TIAM2: variants seen among roughly 807,000 people sequenced by gnomAD.
TIAM2 encodes the protein TIAM Rac1 associated GEF 2, also known as rho guanine nucleotide exchange factor TIAM2.
TIAM2 carries 80 observed loss-of-function variants against 152.9 expected under a neutral mutation model. The observed-to-expected ratio is 0.52, with a 90% CI of 0.44 to 0.63. The LOEUF (loss-of-function observed/expected upper bound fraction) is 0.63. TIAM2 is among the 30% of genes least tolerant of loss of function. The pLI, the probability that TIAM2 is intolerant of heterozygous loss-of-function variation, is 0.00. For missense variants in TIAM2, 1,965 were observed against 2,120.1 expected, an observed-to-expected ratio of 0.93 and a Z score of 1.44; for synonymous variants, 804 against 838.0, an observed-to-expected ratio of 0.96 and a Z score of 0.70.
In TIAM2 at chr6:155,114,036, A is replaced by ATATATATTTTTT; in HGVS notation, c.-117-13453_-117-13452insATATATTTTTTT. ...ACTTTATATATATATATATATATAT[A>ATATATATTTTTT]TTTTTTTTTTTTTCTTTTTTTTTTT... On this transcript the variant is annotated intron_variant, in intron 2 of 26. Coordinates refer to ENST00000682666, the MANE Select transcript of TIAM2 (RefSeq NM_012454.4). Among the ~76,000 whole-genome samples the ATATATATTTTTT allele has an allele frequency of 9.2e-4, 32 of 34,896 alleles. 1 individual carries two copies. Among genetic ancestry groups the ATATATATTTTTT allele is most frequent in the East Asian group, 1.4e-3 (2 of 1,412 alleles). The allele number at this position is 34,896 out of a possible 152,430, so 22.9% of individuals were successfully genotyped here.
At chr6:155,161,677 C>A (rs1225892219) in intron 7 of TIAM2, among the ~76,000 whole-genome samples, 1 of 151,582 alleles carries the variant, frequency 6.6e-6, no homozygotes, top group Admixed American at 6.6e-5. Context: ...AAGCAATTCT[C>A]CTGCCTCAGC....
intron 14 of TIAM2, among the ~76,000 whole-genome samples, chr6:155,206,903 G>T (rs568583579): frequency 2.0e-5 from 3 of 152,286 alleles, no homozygotes; most frequent in East Asian, 3.9e-4. Context: ...AGTCATATTG[G>T]CCAGAGGCTT....
At chr6:155,013,897 T>C (rs1778529592) in intron 1 of TIAM2, 1 of 144,384 alleles carries the variant, frequency 6.9e-6, no homozygotes, top group South Asian at 2.3e-4. Flanking sequence ...GTTAGGCAGA[T>C]ATATGTCTAT....
chr6:155,076,951 C>T (rs1259309814), intron 1 of TIAM2, among the ~76,000 whole-genome samples: 1 of 152,202 alleles, frequency 6.6e-6, no homozygotes, highest in Admixed American at 6.5e-5. Context: ...CCTCCTCGGC[C>T]TCCCAAAGTG....
chr6:155,095,417 G>T (rs1028463146), intron 2 of TIAM2, among the ~76,000 whole-genome samples: 2 of 152,194 alleles, frequency 1.3e-5, no homozygotes, highest in African/African-American at 2.4e-5. Flanking sequence ...TCAGTTTTTT[G>T]TAGGGTGGTT....
intron 15 of TIAM2, among the ~76,000 whole-genome samples, chr6:155,236,045 T>C (rs1782739071): frequency 6.6e-6 from 1 of 152,138 alleles, no homozygotes; most frequent in African/African-American, 2.4e-5. Context: ...TGCAGAATTA[T>C]ATTGTCTGAG....
At chr6:155,166,516 G>T (rs931191430) in intron 9 of TIAM2, among the ~76,000 whole-genome samples, 1 of 152,128 alleles carries the variant, frequency 6.6e-6, no homozygotes, top group East Asian at 1.9e-4. Flanking sequence ...TAGAGACAGG[G>T]TTTCACCTGT....
intron 1 of TIAM2, among the ~76,000 whole-genome samples, chr6:155,085,582 G>A (rs1362607473): frequency 6.6e-6 from 1 of 151,930 alleles, no homozygotes; most frequent in Admixed American, 6.6e-5. Flanking sequence ...AAACAACTTT[G>A]TGATGTAGTT....
intron 1 of TIAM2, among the ~76,000 whole-genome samples, chr6:155,028,496 CT>C: frequency 8.8e-6 from 1 of 113,326 alleles, no homozygotes; most frequent in Non-Finnish European, 1.9e-5. Flanking sequence ...CATATATATA[CT>C]GTGTTACATA....
chr6:155,016,334 T>C (rs1467473569), intron 1 of TIAM2: 1 of 152,214 alleles, frequency 6.6e-6, no homozygotes, highest in Non-Finnish European at 1.5e-5. Flanking sequence ...GCACTTGACC[T>C]GGAAGGATTC....
At position 155,063,419 on chromosome 6, in the gene TIAM2, G is replaced by A. The variant is rs1170510377; in HGVS notation, c.-208-26870G>A. 4.0e-5 allele frequency among the ~76,000 whole-genome samples: 6 copies of A among 151,362 alleles called. No homozygotes were observed. In the East Asian group the frequency reaches 5.8e-4, roughly 15 times the overall value. On this transcript the variant is annotated intron_variant, in intron 1 of 26. Coordinates refer to ENST00000682666, the MANE Select transcript of TIAM2 (RefSeq NM_012454.4). ...TGTGTGTCCATGTAAATATGAACACGTACAATTATGTGTGTATATTTCCTG... is the reference window on the plus strand; with the variant it reads ...TGTGTGTCCATGTAAATATGAACACATACAATTATGTGTGTATATTTCCTG...
At chr6:155,119,906 T>A (rs1262110753) in intron 2 of TIAM2, among the ~76,000 whole-genome samples, 2 of 152,248 alleles carry the variant, frequency 1.3e-5, no homozygotes. Context: ...TCCGTTCTGC[T>A]AGTCTCTCTT....
Position 155,182,216 on chromosome 6 carries a change from T to G in TIAM2, c.2708-10T>G. On this transcript the variant is annotated splice_polypyrimidine_tract_variant and intron_variant, in intron 12 of 26. Transcript: ENST00000682666. Reference sequence around the variant, plus strand: ...TGAGACTTGCTTTTTCCTTTTGTTTTCATTCCTAGGGTTTGCAGTTACAGC... The same window carrying G: ...TGAGACTTGCTTTTTCCTTTTGTTTGCATTCCTAGGGTTTGCAGTTACAGC... 1 of 1,613,274 alleles carries G rather than the reference T, an allele frequency of 6.2e-7. No homozygotes were observed. Among genetic ancestry groups the G allele is most frequent in the Non-Finnish European group, 8.5e-7 (1 of 1,179,276 alleles).
intron 1 of TIAM2, among the ~76,000 whole-genome samples, chr6:155,059,731 C>G (rs1390983645): frequency 6.6e-6 from 1 of 152,184 alleles, no homozygotes; most frequent in Non-Finnish European, 1.5e-5. Flanking sequence ...GATATTAACA[C>G]GACTTACTAC....
chr6:155,196,230 G>T (rs957214927), intron 14 of TIAM2, among the ~76,000 whole-genome samples: 2 of 152,152 alleles, frequency 1.3e-5, no homozygotes, highest in African/African-American at 2.4e-5. Context: ...AGGTTTTGGC[G>T]TGAGCATCCA....
intron 15 of TIAM2, among the ~76,000 whole-genome samples, chr6:155,222,126 G>T (rs531910942): frequency 6.6e-6 from 1 of 151,662 alleles, no homozygotes; most frequent in Non-Finnish European, 1.5e-5. Flanking sequence ...GCTAATTTTT[G>T]TATTTTTACT....
In TIAM2 at chr6:155,244,076, T is replaced by A; in HGVS notation, c.3414T>A (p.Asp1138Glu). 1.2e-6 allele frequency: 2 copies of A among 1,614,002 alleles called. No individual in the cohort carries two copies. Among genetic ancestry groups the A allele is most frequent in the Non-Finnish European group, 8.5e-7 (1 of 1,179,880 alleles). The change falls in exon 17 of 27, where the codon GAT becomes GAA. Residue 1138 changes from aspartate to glutamate, a missense_variant. Around this residue, in one of 3 missense-constraint regions of TIAM2, gnomAD observed 935 missense variants for 980.0 expected, o/e 0.95. Transcript: ENST00000682666. The part of the protein sequence containing the change: ...PLQNETFLTQ[D>E]EMESLFGSLP... Reference sequence around the variant, plus strand: ...AGAATGAGACCTTTCTTACCCAAGATGAGGTAAATAAAATCACCTTCCTTC... The same window carrying A: ...AGAATGAGACCTTTCTTACCCAAGAAGAGGTAAATAAAATCACCTTCCTTC...
At position 155,137,239 on chromosome 6, in the gene TIAM2, T is replaced by A. The variant is rs45583335; in HGVS notation, c.1257T>A (p.Asp419Glu). ...FDSRSDGLNT[D>E]VQGSSQASAF... ...GTCGCTCTGATGGACTGAATACAGATGTGCAGGGATCCTCCCAGGCATCTG... is the reference window on the plus strand; with the variant it reads ...GTCGCTCTGATGGACTGAATACAGAAGTGCAGGGATCCTCCCAGGCATCTG... The change falls in exon 5 of 27, where the codon GAT becomes GAA. Residue 419 changes from aspartate (D) to glutamate (E), a missense_variant. This residue lies in a region of TIAM2 where 1,025 missense variants were observed against 1,119.4 expected (regional missense o/e 0.92). Transcript: ENST00000682666. The A allele has an allele frequency of 6.2e-7, 1 of 1,614,202 alleles. No homozygotes were observed. The highest frequency in any genetic ancestry group is 8.5e-7 in the Non-Finnish European group (1 of 1,180,042).
At chr6:155,048,435 C>T (rs1253341511) in intron 1 of TIAM2, among the ~76,000 whole-genome samples, 1 of 152,110 alleles carries the variant, frequency 6.6e-6, no homozygotes, top group Non-Finnish European at 1.5e-5. Context: ...TGCCACTGTC[C>T]TTTGTAACAA....
Sources: allele counts gnomAD v4.1 joint callset (sites outside exome capture counted in the v4.1 genomes callset), GRCh38; gene constraint gnomAD v4.1.1; regional missense constraint gnomAD v4.1.1; transcripts MANE v1.5; gene names NCBI Gene and HGNC (gene_info 2026-07-23, HGNC 2026-07-21).